Variants in ME2 observed in about 807,000 individuals in gnomAD.
ME2 encodes malic enzyme 2.
Under a neutral mutation model 73.7 loss-of-function variants are expected in ME2, and 60 were observed. The observed-to-expected ratio is 0.81, with a 90% CI of 0.66 to 1.01. The LOEUF (loss-of-function observed/expected upper bound fraction) is 1.01, where lower values mean the gene tolerates loss of function less well. ME2 is among the 50% of genes least tolerant of loss of function. ME2 has a pLI of 0.00. For missense variants in ME2, 594 were observed against 705.5 expected (o/e 0.84, Z 1.79); for synonymous variants, 199 against 236.9 (o/e 0.84, Z 1.47).
At chr18:50,903,827 GAA>G (rs1464151619) in intron 2 of ME2, among the ~76,000 whole-genome samples, 1 of 151,944 alleles carries the variant, frequency 6.6e-6, no homozygotes, top group East Asian at 1.9e-4. Flanking sequence ...GCTAGAGTTG[GAA>G]AAAAAGACGC....
At chr18:50,917,221 C>T in intron 5 of ME2, 126 bp from the exon 6 acceptor site, 1 of 722,236 alleles carries the variant, frequency 1.4e-6, no homozygotes, top group Non-Finnish European at 2.2e-6. Context: ...GGAAATTAGC[C>T]AAGAAACAAT....
chr18:50,953,940 G>A lies in ME2; in HGVS notation c.*6756G>A, dbSNP rs1438891942. On this transcript the variant is annotated 3_prime_UTR_variant, in exon 16 of 16. Coordinates refer to ENST00000321341, the MANE Select transcript of ME2 (RefSeq NM_002396.5). ...GTACTTTTGCAGTTGATATTTTTGT[G>A]TTCCCTTTGTTAACATACCAAGCAC... 6.6e-6 allele frequency: 1 copy of A among 152,134 alleles called. No homozygotes were observed. The highest frequency in any genetic ancestry group is 1.5e-5 in the Non-Finnish European group (1 of 68,010). The allele number at this position is 152,134 out of a possible 1,614,324, so 9.4% of individuals were successfully genotyped here.
chr18:50,922,837 G>C (rs923094883), intron 10 of ME2, among the ~76,000 whole-genome samples: 8 of 152,072 alleles, frequency 5.3e-5, no homozygotes. Flanking sequence ...GCTCAGCCTG[G>C]TTTTCTCAGC....
At chr18:50,932,503 A>G in intron 13 of ME2, 143 bp downstream of exon 13, 1 of 487,486 alleles carries the variant, frequency 2.1e-6, no homozygotes, top group East Asian at 3.4e-5. Flanking sequence ...CAAGGAATTC[A>G]TCAAATTCAG....
chr18:50,943,452 A>G (rs1918010098), intron 15 of ME2, among the ~76,000 whole-genome samples: 1 of 152,204 alleles, frequency 6.6e-6, no homozygotes, highest in East Asian at 1.9e-4. Flanking sequence ...GGCATGCACC[A>G]TCATGTCCAG....
At chr18:50,916,777 A>G (rs1688716978) in intron 5 of ME2, 1 of 152,294 alleles carries the variant, frequency 6.6e-6, no homozygotes, top group African/African-American at 2.4e-5. Context: ...ATTGTAGGCA[A>G]TAATCTTACC....
chr18:50,917,774 C>G (rs1349856825), intron 6 of ME2, among the ~76,000 whole-genome samples: 1 of 152,002 alleles, frequency 6.6e-6, no homozygotes, highest in Non-Finnish European at 1.5e-5. Flanking sequence ...GAGTTCGAGA[C>G]CAGCCTGGCC....
At position 50,894,888 on chromosome 18, in the gene ME2, A is replaced by G. The variant is rs1916698152; in HGVS notation, c.-12-921A>G. Among the ~76,000 whole-genome samples, 4 of 152,006 alleles carry G rather than the reference A, an allele frequency of 2.6e-5. No individual in the cohort carries two copies. In the South Asian group the frequency reaches 8.3e-4, roughly 32 times the overall value. On this transcript the variant is annotated intron_variant, in intron 1 of 15. Coordinates refer to ENST00000321341, the MANE Select transcript of ME2 (RefSeq NM_002396.5). ...CGAGACTCCATCTCAAAAAAAAAAA[A>G]AAAATTTTTTTGAAATGCCTCTGAA...
At chr18:50,899,339 G>C (rs1296006447) in intron 2 of ME2, among the ~76,000 whole-genome samples, 5 of 152,186 alleles carry the variant, frequency 3.3e-5, no homozygotes, top group Non-Finnish European at 7.3e-5. Flanking sequence ...TCAGCTGGCT[G>C]TGGTGGCTCA....
At chr18:50,888,856 T>TA (rs750903898) in intron 1 of ME2, among the ~76,000 whole-genome samples, 33 of 152,192 alleles carry the variant, frequency 2.2e-4, no homozygotes, top group Admixed American at 3.9e-4. Context: ...TCCTGAATGA[T>TA]AAGAGTGTCT....
At chr18:50,933,863 T>C (rs1917755812) in intron 13 of ME2, 1 of 152,126 alleles carries the variant, frequency 6.6e-6, no homozygotes, top group African/African-American at 2.4e-5. Context: ...CCCTTCTTTG[T>C]GTCCATGAGT....
At chr18:50,922,168 T>G (rs1169591968) in intron 10 of ME2, among the ~76,000 whole-genome samples, 1 of 152,214 alleles carries the variant, frequency 6.6e-6, no homozygotes, top group Non-Finnish European at 1.5e-5. Context: ...AAAGTTAAAG[T>G]ATGTGAATGA....
At position 50,939,596 on chromosome 18, in the gene ME2, A is replaced by G. The variant is rs1170389629; in HGVS notation, c.1444A>G (p.Asn482Asp). Residue 482 changes from asparagine (N) to aspartate (D), a missense_variant, in exon 14 of 16, where the codon AAC (asparagine) becomes GAC (aspartate). Physicochemically the swap from Asn to Asp is conservative, Grantham distance 23. Coordinates refer to ENST00000321341, the MANE Select transcript of ME2 (RefSeq NM_002396.5). ...PGVALAVILC[N>D]TRHISDSVFL... Reference sequence around the variant, plus strand: ...TGTGGCTTTAGCTGTTATTCTCTGTAACACCCGGCATATTAGTGACAGTGT... The same window carrying G: ...TGTGGCTTTAGCTGTTATTCTCTGTGACACCCGGCATATTAGTGACAGTGT... 4 of 1,612,598 alleles carry G rather than the reference A, an allele frequency of 2.5e-6. No homozygotes were observed. Among genetic ancestry groups the G allele is most frequent in the Admixed American group, 1.7e-5 (1 of 59,996 alleles).
chr18:50,903,253 A>T (rs1048070318), intron 2 of ME2, among the ~76,000 whole-genome samples: 1 of 152,246 alleles, frequency 6.6e-6, no homozygotes, highest in African/African-American at 2.4e-5. Flanking sequence ...TGCTTCACTT[A>T]TTAACACCAG....
chr18:50,929,845 C>T (rs1917652635), intron 12 of ME2, among the ~76,000 whole-genome samples: 2 of 152,036 alleles, frequency 1.3e-5, no homozygotes, highest in Admixed American at 6.6e-5. Flanking sequence ...CATCATGGAT[C>T]GTTGACATTT....
intron 9 of ME2, 119 bp downstream of exon 9, chr18:50,920,877 G>A (rs1917409800): frequency 1.3e-6 from 1 of 794,248 alleles, no homozygotes; most frequent in Admixed American, 2.8e-5. Flanking sequence ...TGAGGTAGAG[G>A]ATATGAAATC....
chr18:50,940,310 A>T lies in ME2; in HGVS notation c.1511A>T (p.Asp504Val). The change falls in exon 15 of 16, where the codon GAT becomes GTT. Residue 504 changes from aspartate (D) to valine (V), a missense_variant. Asp to Val is a radical substitution (Grantham distance 152). Coordinates refer to ENST00000321341, the MANE Select transcript of ME2 (RefSeq NM_002396.5). ...AAKALTSQLT[D>V]EELAQGRLYP... The stretch of plus-strand genomic sequence containing the variant: ...CAGGCCCTGACAAGCCAATTGACAG[A>T]TGAAGAGCTAGCCCAAGGGAGACTT... The T allele has an allele frequency of 1.2e-6, 2 of 1,609,328 alleles. No homozygotes were observed. Among genetic ancestry groups the T allele is most frequent in the South Asian group, 2.2e-5 (2 of 89,502 alleles).
chr18:50,895,882 T>C lies in ME2; in HGVS notation c.62T>C (p.Ile21Thr). ...ACTTTGGCATGTCGACATTTGCACA[T>C]AAAAGAAAAAGGCAAGCCACTTATG... ...TCTLACRHLHIKEKGKPLMLN... is the reference protein window; with the variant it reads ...TCTLACRHLHTKEKGKPLMLN... Residue 21 changes from isoleucine (I) to threonine (T), a missense_variant, in exon 2 of 16, where the codon ATA becomes ACA. Coordinates refer to ENST00000321341, the MANE Select transcript of ME2 (RefSeq NM_002396.5). The C allele has an allele frequency of 6.2e-7, 1 of 1,613,812 alleles. No homozygotes were observed. The highest frequency in any genetic ancestry group is 8.5e-7 in the Non-Finnish European group (1 of 1,179,914).
chr18:50,926,478 C>T lies in ME2; in HGVS notation c.1314+580C>T, dbSNP rs141587495. On this transcript the variant is annotated intron_variant, in intron 12 of 15. Transcript: ENST00000321341. ...ACAGTTTGACTATGGCGGACATATG[C>T]GTGGTTTTCTTTGTATTTATTCCAC... is the stretch of plus-strand genomic sequence containing the variant. 4.3e-3 allele frequency among the ~76,000 whole-genome samples: 658 copies of T among 152,202 alleles called. 10 individuals are homozygous for T. The East Asian group carries it at 0.064, about 15-fold the overall frequency.
Sources: gnomAD v4.1 joint callset for allele counts (sites outside exome capture counted in the v4.1 genomes callset) on GRCh38, gnomAD v4.1.1 for gene constraint, MANE v1.5 for transcripts, NCBI Gene and HGNC (gene_info 2026-07-23, HGNC 2026-07-21) for gene names.